Variants in DMD observed in about 807,000 individuals in gnomAD.
The protein encoded by DMD is mutant dystrophin.
In DMD, 63 loss-of-function variants were observed where a neutral mutation model predicts 330.1. That is an observed-to-expected ratio of 0.19 (90% CI 0.16 to 0.24). DMD has a LOEUF of 0.24. Among genes scored for constraint, DMD ranks in the 10% least tolerant of loss-of-function variants. The pLI is 1.00. For synonymous variants in DMD, 1,223 were observed against 959.8 expected (o/e 1.27, Z -5.07); for missense variants, 3,344 against 2,684.1 (o/e 1.25, Z -5.43).
intron 55 of DMD, among the ~76,000 whole-genome samples, chrX:31,556,337 A>G (rs1159289689): frequency 2.9e-5 from 3 of 102,834 alleles, no homozygotes; most frequent in African/African-American, 1.1e-4. Context: ...ACTGCACTCT[A>G]GCCTGGGTAA....
At chrX:31,834,397 C>T (rs1032643115) in intron 49 of DMD, among the ~76,000 whole-genome samples, 1 of 111,372 alleles carries the variant, frequency 9.0e-6, no homozygotes, top group Non-Finnish European at 1.9e-5. Context: ...TTTTTAAACC[C>T]CATAATTCTC....
rs939792398 is a variant in DMD, at chrX:32,486,137, T to C, written c.2623-1038A>G. On this transcript the variant is annotated intron_variant, in intron 20 of 78. Transcript: ENST00000357033. ...CCCTGTTTCACTCTCAGTAGTACCC[T>C]GGTTTGTATGATAAAATCACATGAA... 3.6e-5 allele frequency among the ~76,000 whole-genome samples: 4 copies of C among 110,906 alleles called. No homozygotes were observed. The East Asian group carries it at 1.1e-3, about 32-fold the overall frequency.
rs758612124 is a variant in DMD, at chrX:31,120,353, TCTTA to T, written c.*1562_*1565del. 5.4e-5 allele frequency: 6 copies of T among 110,988 alleles called. No individual in the cohort carries two copies. The highest frequency in any genetic ancestry group is 9.9e-5 in the African/African-American group (3 of 30,258). The allele number at this position is 110,988 out of a possible 1,213,427, so 9.1% of individuals were successfully genotyped here. A position where few individuals can be genotyped will look rare whatever the true frequency, so the allele number is the denominator to read the frequency against. ...AACATTTGAATCAATTTGCCTTCTT[TCTTA>T]CTTACTTACAAACCTGTGTGGAACT... On this transcript the variant is annotated 3_prime_UTR_variant, in exon 79 of 79. Coordinates refer to ENST00000357033, the MANE Select transcript of DMD (RefSeq NM_004006.3).
chrX:32,211,021 TAAGGTAAAGCTGAAGAGCAGCTA>T (rs756231847), intron 44 of DMD, among the ~76,000 whole-genome samples: 2 of 111,811 alleles, frequency 1.8e-5, no homozygotes, highest in Non-Finnish European at 3.8e-5. Flanking sequence ...ATAACCATGG[TAAGGTAAAGCTGAAGAGCAGCTA>T]AAGGGAGAGC....
intron 44 of DMD, among the ~76,000 whole-genome samples, chrX:31,990,617 T>A: frequency 8.9e-6 from 1 of 112,377 alleles, no homozygotes. Context: ...TACAATAAGT[T>A]AAGCAACACA....
intron 67 of DMD, among the ~76,000 whole-genome samples, chrX:31,196,916 G>A (rs1317652798): frequency 9.7e-6 from 1 of 103,445 alleles, no homozygotes; most frequent in African/African-American, 3.6e-5. Flanking sequence ...AAAGTCTCCT[G>A]ATATGGCATT....
intron 13 of DMD, chrX:32,583,765 G>A (rs770153829): frequency 3.6e-5 from 4 of 112,159 alleles, no homozygotes; most frequent in Non-Finnish European, 7.6e-5. Flanking sequence ...GTTTCAGTTG[G>A]ATCTATATGG....
intron 19 of DMD, 33 bp from the exon 20 acceptor site, chrX:32,491,551 T>C (rs1308965738): frequency 5.9e-6 from 7 of 1,177,723 alleles, no homozygotes; most frequent in Non-Finnish European, 8.0e-6. Context: ...ATATATCCCC[T>C]GAACCCACAG....
chrX:32,382,950 C>A (rs762287290), intron 33 of DMD, among the ~76,000 whole-genome samples: 3 of 110,566 alleles, frequency 2.7e-5, no homozygotes, highest in East Asian at 2.8e-4. Context: ...AACACAATGC[C>A]ACCTGCAGTA....
chrX:31,476,605 T>C (rs1178421854), intron 59 of DMD, among the ~76,000 whole-genome samples: 1 of 109,436 alleles, frequency 9.1e-6, no homozygotes, highest in Non-Finnish European at 1.9e-5. Context: ...AAGGGCCACG[T>C]AATCTCCTTA....
chrX:31,519,599 A>G (rs2072561222), intron 55 of DMD, among the ~76,000 whole-genome samples: 1 of 111,951 alleles, frequency 8.9e-6, no homozygotes, highest in African/African-American at 3.2e-5. Context: ...AATTGTTTAC[A>G]ATAGGTTAAT....
At chrX:33,008,450 C>T (rs1221179163) in intron 2 of DMD, among the ~76,000 whole-genome samples, 1 of 110,608 alleles carries the variant, frequency 9.0e-6, no homozygotes, top group Non-Finnish European at 1.9e-5. Flanking sequence ...AAGTGAAGCA[C>T]AGAGGAAGAC....
At chrX:32,205,011 A>ACACACC (rs2097059764) in intron 44 of DMD, among the ~76,000 whole-genome samples, 1 of 7,094 alleles carries the variant, frequency 1.4e-4, no homozygotes, top group Non-Finnish European at 3.7e-4. Context: ...TCTCTCACAT[A>ACACACC]CACACACACA....
At chrX:32,928,050 A>C (rs2089231392) in intron 2 of DMD, among the ~76,000 whole-genome samples, 1 of 111,091 alleles carries the variant, frequency 9.0e-6, no homozygotes, top group Non-Finnish European at 1.9e-5. Context: ...TTGATAAGAA[A>C]TTGATGCCAT....
chrX:32,676,543 T>C (rs1251845071), intron 9 of DMD, among the ~76,000 whole-genome samples: 1 of 111,423 alleles, frequency 9.0e-6, no homozygotes, highest in East Asian at 2.8e-4. Context: ...TCTGGATCCT[T>C]TACACTATGT....
At chrX:32,124,093 T>C (rs1021665720) in intron 44 of DMD, among the ~76,000 whole-genome samples, 2 of 111,933 alleles carry the variant, frequency 1.8e-5, no homozygotes, top group African/African-American at 3.2e-5. Flanking sequence ...CCTGATAGTA[T>C]ACTCAATGCT....
At chrX:31,337,946 T>C (rs921990827) in intron 61 of DMD, among the ~76,000 whole-genome samples, 2 of 111,685 alleles carry the variant, frequency 1.8e-5, no homozygotes, top group African/African-American at 6.5e-5. Flanking sequence ...ATGCATGGGG[T>C]ATGATAGCAG....
chrX:32,848,742 T>C (rs1002812590), intron 3 of DMD, among the ~76,000 whole-genome samples: 2 of 110,841 alleles, frequency 1.8e-5, no homozygotes, highest in Admixed American at 1.9e-4. Context: ...CAAAGGTAAT[T>C]TGGGAAAAGC....
intron 45 of DMD, among the ~76,000 whole-genome samples, chrX:31,962,518 C>G (rs1417387908): frequency 9.0e-6 from 1 of 111,689 alleles, no homozygotes; most frequent in African/African-American, 3.3e-5. Flanking sequence ...TGCTCTGGAC[C>G]AGAGACCACA....
Sources: gnomAD v4.1 joint callset for allele counts (sites outside exome capture counted in the v4.1 genomes callset) on GRCh38, gnomAD v4.1.1 for gene constraint, MANE v1.5 for transcripts, NCBI Gene and HGNC (gene_info 2026-07-23, HGNC 2026-07-21) for gene names.